Variants in SELENOF observed in about 807,000 individuals in gnomAD.
SELENOF encodes 15 kDa selenoprotein.
A neutral mutation model predicts 20.5 loss-of-function variants in SELENOF; 16 were observed. The ratio of observed to expected loss-of-function variants is 0.78; its 90% CI spans 0.53 to 1.19. The LOEUF (loss-of-function observed/expected upper bound fraction) is 1.19. Ranked by LOEUF, SELENOF falls within the 50% of genes most tolerant of loss-of-function variation. SELENOF has a pLI of 0.00. For synonymous variants in SELENOF, 78 were observed against 74.5 expected (o/e 1.05, Z -0.24); for missense variants, 215 against 194.2 (o/e 1.11, Z -0.64).
chr1:86,909,980 C>T (rs1659936058), intron 1 of SELENOF, among the ~76,000 whole-genome samples: 1 of 152,030 alleles, frequency 6.6e-6, no homozygotes, highest in African/African-American at 2.4e-5. Flanking sequence ...CAATGCGAGA[C>T]TTCGTCTCAA....
At chr1:86,897,184 G>A (rs1659546576) in intron 2 of SELENOF, among the ~76,000 whole-genome samples, 1 of 152,176 alleles carries the variant, frequency 6.6e-6, no homozygotes, top group East Asian at 1.9e-4. Flanking sequence ...GCGGGTGGGA[G>A]GCTGAGGCAG....
intron 2 of SELENOF, among the ~76,000 whole-genome samples, chr1:86,901,411 T>C (rs1659702921): frequency 6.6e-6 from 1 of 151,802 alleles, no homozygotes; most frequent in Admixed American, 6.6e-5. Context: ...TGTTTTGGTT[T>C]CACTAGTCTT....
chr1:86,891,537 C>T (rs1659384006), intron 2 of SELENOF, among the ~76,000 whole-genome samples: 1 of 152,158 alleles, frequency 6.6e-6, no homozygotes, highest in Non-Finnish European at 1.5e-5. Flanking sequence ...GCATTGCAGT[C>T]TGCAAATGTG....
At chr1:86,873,653 C>T (rs1176473508) in intron 3 of SELENOF, among the ~76,000 whole-genome samples, 1 of 151,932 alleles carries the variant, frequency 6.6e-6, no homozygotes, top group Non-Finnish European at 1.5e-5. Context: ...GAGTTCGAGA[C>T]CAGCCTGACC....
intron 1 of SELENOF, among the ~76,000 whole-genome samples, chr1:86,908,583 T>G (rs998337318): frequency 7.2e-5 from 11 of 152,196 alleles, no homozygotes; most frequent in Admixed American, 6.5e-5. Flanking sequence ...ACAGAATCCA[T>G]GATACACCAT....
chr1:86,914,004 G>T (rs931799132), intron 1 of SELENOF, 24 bp downstream of exon 1: 3 of 1,602,546 alleles, frequency 1.9e-6, no homozygotes, highest in Non-Finnish European at 8.5e-7. Context: ...CCCTGTGGCA[G>T]CTGCGAAGGT....
intron 2 of SELENOF, among the ~76,000 whole-genome samples, chr1:86,884,723 G>A (rs1424616568): frequency 1.3e-5 from 2 of 152,094 alleles, no homozygotes; most frequent in Non-Finnish European, 2.9e-5. Context: ...CATTACAAGA[G>A]AAAAATCAAA....
chr1:86,870,498 A>T (rs907624306), intron 3 of SELENOF, among the ~76,000 whole-genome samples: 5 of 152,368 alleles, frequency 3.3e-5, no homozygotes, highest in South Asian at 4.1e-4. Flanking sequence ...AACACGCAGT[A>T]ACTGTGTCTA....
At chr1:86,913,828 G>GA (rs917342408) in intron 1 of SELENOF, 200 bp downstream of exon 1, 1 of 596,672 alleles carries the variant, frequency 1.7e-6, no homozygotes, top group African/African-American at 1.9e-5. Context: ...GAAATCAAGA[G>GA]AAAACTGCTG....
At chr1:86,905,301 G>A (rs1318601660) in intron 1 of SELENOF, among the ~76,000 whole-genome samples, 1 of 152,070 alleles carries the variant, frequency 6.6e-6, no homozygotes, top group African/African-American at 2.4e-5. Flanking sequence ...AATTCCTCCT[G>A]CTATAAGGAA....
intron 4 of SELENOF, among the ~76,000 whole-genome samples, chr1:86,867,785 C>G (rs957434249): frequency 8.5e-6 from 1 of 117,134 alleles, no homozygotes; most frequent in Non-Finnish European, 1.6e-5. Flanking sequence ...GATGTTACAA[C>G]AGGAAAACTG....
At chr1:86,886,521 A>C (rs1270934477) in intron 2 of SELENOF, among the ~76,000 whole-genome samples, 1 of 152,010 alleles carries the variant, frequency 6.6e-6, no homozygotes, top group African/African-American at 2.4e-5. Context: ...TCGAAAGGTT[A>C]GTATTAAAGC....
intron 2 of SELENOF, among the ~76,000 whole-genome samples, chr1:86,887,693 T>C (rs1659259051): frequency 6.6e-6 from 1 of 152,298 alleles, no homozygotes; most frequent in East Asian, 1.9e-4. Context: ...ACAGGAGTTC[T>C]ATATACACCT....
chr1:86,909,547 A>G (rs1012408984), intron 1 of SELENOF, among the ~76,000 whole-genome samples: 1 of 152,216 alleles, frequency 6.6e-6, no homozygotes, highest in Non-Finnish European at 1.5e-5. Flanking sequence ...ACAAATACAT[A>G]TGAGACACAA....
chr1:86,880,139 CTTTTTTTTT>C (rs201093710), intron 3 of SELENOF, among the ~76,000 whole-genome samples: 1 of 143,468 alleles, frequency 7.0e-6, no homozygotes, highest in Non-Finnish European at 1.5e-5. Context: ...ATCTGAATTT[CTTTTTTTTT>C]TTTTTGAGAC....
In SELENOF at chr1:86,905,361, TCA is replaced by T. The variant is rs961498023; in HGVS notation, c.85-1915_85-1914del. ...AAGCCCTACTCAAACACACTTTTGC[TCA>T]CAGTCTCCCCTATATTTAAGGTTCT... On this transcript the variant is annotated intron_variant, in intron 1 of 4. Transcript: ENST00000331835. Among the ~76,000 whole-genome samples the T allele has an allele frequency of 5.3e-5, 8 of 152,328 alleles. No homozygotes were observed. In the South Asian group the frequency reaches 1.0e-3, roughly 20 times the overall value.
intron 1 of SELENOF, among the ~76,000 whole-genome samples, chr1:86,910,272 T>C (rs375353017): frequency 5.3e-5 from 8 of 152,224 alleles, no homozygotes; most frequent in African/African-American, 1.9e-4. Flanking sequence ...CTGTGTATGA[T>C]GGCTGTCTTT....
intron 4 of SELENOF, among the ~76,000 whole-genome samples, chr1:86,867,786 A>G (rs1353394995): frequency 7.8e-6 from 1 of 127,544 alleles, no homozygotes; most frequent in Non-Finnish European, 1.6e-5. Context: ...ATGTTACAAC[A>G]GGAAAACTGA....
At chr1:86,908,277 T>C (rs1432684386) in intron 1 of SELENOF, among the ~76,000 whole-genome samples, 3 of 152,154 alleles carry the variant, frequency 2.0e-5, no homozygotes, top group Non-Finnish European at 4.4e-5. Flanking sequence ...CAAAAGCAAA[T>C]AGATGGGATT....
Sources: allele counts gnomAD v4.1 joint callset (sites outside exome capture counted in the v4.1 genomes callset), GRCh38; gene constraint gnomAD v4.1.1; transcripts MANE v1.5; gene names NCBI Gene and HGNC (gene_info 2026-07-23, HGNC 2026-07-21).